PLCB4: variants seen among roughly 807,000 people sequenced by gnomAD.
PLCB4 encodes phospholipase C beta 4.
A neutral mutation model predicts 178.8 loss-of-function variants in PLCB4; 77 were observed. The observed-to-expected ratio is 0.43, with a 90% CI of 0.36 to 0.52. The LOEUF is 0.52. Among genes scored for constraint, PLCB4 ranks in the 20% least tolerant of loss-of-function variants. The pLI, the probability that PLCB4 is intolerant of heterozygous loss-of-function variation, is 0.00. For missense variants in PLCB4, 1,024 were observed against 1,453.4 expected, an observed-to-expected ratio of 0.70 and a Z score of 4.80; for synonymous variants, 496 against 490.8, an observed-to-expected ratio of 1.01 and a Z score of -0.14.
chr20:9,214,534 G>A (rs1408105025), intron 2 of PLCB4, among the ~76,000 whole-genome samples: 1 of 150,308 alleles, frequency 6.7e-6, no homozygotes, highest in African/African-American at 2.5e-5. Flanking sequence ...ATCAAAACAC[G>A]TGGGAAGACA....
intron 7 of PLCB4, among the ~76,000 whole-genome samples, chr20:9,360,095 C>T (rs2148219123): frequency 6.6e-6 from 1 of 152,286 alleles, no homozygotes; most frequent in Non-Finnish European, 1.5e-5. Context: ...AAGAATGTAC[C>T]ACAGAGCTCT....
At chr20:9,385,126 TAAGA>T (rs2037475069) in intron 14 of PLCB4, among the ~76,000 whole-genome samples, 1 of 152,118 alleles carries the variant, frequency 6.6e-6, no homozygotes, top group Non-Finnish European at 1.5e-5. Context: ...GGGTTGGGGG[TAAGA>T]TTATAGATTA....
At chr20:9,387,582 CT>C (rs750856843) in intron 15 of PLCB4, 26 bp downstream of exon 15, 1 of 1,062,376 alleles carries the variant, frequency 9.4e-7, no homozygotes, top group Admixed American at 2.0e-5. Context: ...ATTACACAGA[CT>C]TTTCCAAACT....
rs1030860250 is a variant in PLCB4, at chr20:9,467,258, G to A, written c.3249-1313G>A. 8.5e-5 allele frequency among the ~76,000 whole-genome samples: 13 copies of A among 152,162 alleles called. No homozygotes were observed. In the East Asian group the frequency reaches 1.4e-3, roughly 16 times the overall value. On this transcript the variant is annotated intron_variant, in intron 35 of 39. Coordinates refer to ENST00000378473, the MANE Select transcript of PLCB4 (RefSeq NM_001377142.1). ...AACACTTGGACACAGGGTAGGGAACGTCACACACCGGGCCTTTTGGAGGGT... is the reference window on the plus strand; with the variant it reads ...AACACTTGGACACAGGGTAGGGAACATCACACACCGGGCCTTTTGGAGGGT...
intron 7 of PLCB4, among the ~76,000 whole-genome samples, chr20:9,349,826 T>G (rs1457872579): frequency 1.3e-5 from 2 of 152,218 alleles, no homozygotes; most frequent in Non-Finnish European, 2.9e-5. Context: ...TTTTCCATTT[T>G]CCACATAGCC....
At chr20:9,322,367 C>T (rs973886292) in intron 4 of PLCB4, among the ~76,000 whole-genome samples, 7 of 152,112 alleles carry the variant, frequency 4.6e-5, no homozygotes, top group East Asian at 1.9e-4. Context: ...ATATTGTCAG[C>T]GAGAAAGCCT....
chr20:9,214,747 C>G (rs2093710831), intron 2 of PLCB4, among the ~76,000 whole-genome samples: 1 of 152,120 alleles, frequency 6.6e-6, no homozygotes, highest in South Asian at 2.1e-4. Flanking sequence ...AAGTCAGTTG[C>G]AATAGTTTGG....
chr20:9,304,844 C>T (rs567591777), intron 3 of PLCB4, among the ~76,000 whole-genome samples: 31 of 150,048 alleles, frequency 2.1e-4, no homozygotes, highest in Non-Finnish European at 4.1e-4. Flanking sequence ...TTTTTCATTC[C>T]TGCGTTTTCT....
At chr20:9,297,164 C>T (rs941752852) in intron 3 of PLCB4, among the ~76,000 whole-genome samples, 2 of 151,954 alleles carry the variant, frequency 1.3e-5, no homozygotes, top group African/African-American at 4.8e-5. Flanking sequence ...CGCACCCCCC[C>T]CCACACCATA....
chr20:9,091,219 T>TA (rs11475686), intron 1 of PLCB4, among the ~76,000 whole-genome samples: 3,935 of 150,528 alleles, frequency 0.026, 159 homozygotes, highest in African/African-American at 0.089. Flanking sequence ...ATGGTAGCTT[T>TA]AAAAAAAAAA....
intron 2 of PLCB4, among the ~76,000 whole-genome samples, chr20:9,215,296 G>A (rs1454408445): frequency 6.6e-6 from 1 of 152,172 alleles, no homozygotes; most frequent in Non-Finnish European, 1.5e-5. Context: ...AAATATAAAT[G>A]TAAGATTGAA....
At chr20:9,468,453 C>T in intron 35 of PLCB4, 118 bp from the exon 36 acceptor site, 1 of 686,386 alleles carries the variant, frequency 1.5e-6, no homozygotes, top group Admixed American at 2.0e-5. Context: ...TTGTTGTGTA[C>T]CCGTCACTGC....
At chr20:9,165,452 A>C (rs1232144779) in intron 2 of PLCB4, among the ~76,000 whole-genome samples, 1 of 152,146 alleles carries the variant, frequency 6.6e-6, no homozygotes, top group African/African-American at 2.4e-5. Flanking sequence ...TGGTGGATTA[A>C]AAATTGGCAA....
At chr20:9,286,695 G>T in intron 3 of PLCB4, among the ~76,000 whole-genome samples, 1 of 152,030 alleles carries the variant, frequency 6.6e-6, no homozygotes, top group East Asian at 1.9e-4. Flanking sequence ...GACCACGCCA[G>T]TGAGGTCATT....
chr20:9,104,320 A>G (rs953519235), intron 2 of PLCB4, among the ~76,000 whole-genome samples: 1 of 152,118 alleles, frequency 6.6e-6, no homozygotes, highest in African/African-American at 2.4e-5. Flanking sequence ...AAAAGTTGTC[A>G]CTTTCTTAAG....
At chr20:9,205,025 AT>A (rs2093599689) in intron 2 of PLCB4, among the ~76,000 whole-genome samples, 1 of 152,190 alleles carries the variant, frequency 6.6e-6, no homozygotes, top group Non-Finnish European at 1.5e-5. Flanking sequence ...TTGACTTATG[AT>A]GGTTCTGCTT....
At chr20:9,171,019 C>G (rs2093055369) in intron 2 of PLCB4, among the ~76,000 whole-genome samples, 1 of 152,168 alleles carries the variant, frequency 6.6e-6, no homozygotes, top group South Asian at 2.1e-4. Context: ...ATGAAACTCC[C>G]ATTTTTGGTT....
chr20:9,298,467 A>G (rs933990270), intron 3 of PLCB4, among the ~76,000 whole-genome samples: 1 of 152,114 alleles, frequency 6.6e-6, no homozygotes, highest in Admixed American at 6.6e-5. Context: ...ACAGTTATTC[A>G]TTATATTTAA....
At chr20:9,346,806 T>C (rs1406634094) in intron 7 of PLCB4, among the ~76,000 whole-genome samples, 1 of 152,174 alleles carries the variant, frequency 6.6e-6, no homozygotes, top group Non-Finnish European at 1.5e-5. Flanking sequence ...ATGGGTTTTA[T>C]TGTTATTTCT....
Sources: gnomAD v4.1 joint callset for allele counts (sites outside exome capture counted in the v4.1 genomes callset) on GRCh38, gnomAD v4.1.1 for gene constraint, MANE v1.5 for transcripts, NCBI Gene and HGNC (gene_info 2026-07-23, HGNC 2026-07-21) for gene names.